Variants in ASRGL1 observed in about 807,000 individuals in gnomAD.
ASRGL1 encodes isoaspartyl peptidase/L-asparaginase.
In ASRGL1, 16 loss-of-function variants were observed where a neutral mutation model predicts 22.4. The ratio of observed to expected loss-of-function variants is 0.71; its 90% confidence interval spans 0.48 to 1.08. ASRGL1 has a LOEUF of 1.08. Ranked by LOEUF, ASRGL1 falls within the 50% of genes least tolerant of loss-of-function variation. The pLI is 0.00. For missense variants in ASRGL1, 412 were observed against 410.1 expected (o/e 1.00, Z -0.04); for synonymous variants, 165 against 159.3 (o/e 1.04, Z -0.27).
chr11:62,369,602 TC>T (rs1220905257), intron 4 of ASRGL1, among the ~76,000 whole-genome samples: 4 of 152,112 alleles, frequency 2.6e-5, no homozygotes, highest in African/African-American at 4.8e-5. Flanking sequence ...TAATAGTACT[TC>T]CGATGGTCTT....
intron 4 of ASRGL1, among the ~76,000 whole-genome samples, chr11:62,385,349 T>G (rs1350912211): frequency 6.6e-6 from 1 of 152,026 alleles, no homozygotes; most frequent in Non-Finnish European, 1.5e-5. Flanking sequence ...TTAACGTTCT[T>G]TATAGATAGA....
At chr11:62,354,743 T>C in intron 2 of ASRGL1, among the ~76,000 whole-genome samples, 1 of 152,140 alleles carries the variant, frequency 6.6e-6, no homozygotes. Context: ...TTTAATAATT[T>C]GGGGCCATGG....
At chr11:62,389,656 T>A (rs2134702401) in intron 5 of ASRGL1, 3 of 340,708 alleles carry the variant, frequency 8.8e-6, no homozygotes, top group East Asian at 1.5e-4. Flanking sequence ...GAGACTGCAG[T>A]TGTTAGATCT....
chr11:62,346,372 C>T (rs1192025958), intron 2 of ASRGL1, among the ~76,000 whole-genome samples: 4 of 152,086 alleles, frequency 2.6e-5, no homozygotes, highest in Non-Finnish European at 5.9e-5. Context: ...TTCAGCACAC[C>T]ACCCTCCTGG....
intron 4 of ASRGL1, chr11:62,371,053 A>AT: frequency 2.0e-6 from 1 of 506,728 alleles, no homozygotes; most frequent in Non-Finnish European, 3.3e-6. Context: ...AGGAAAAAAA[A>AT]AAAAGCCCTC....
chr11:62,398,223 T>A (rs1947453202), downstream of ASRGL1, among the ~76,000 whole-genome samples: 1 of 150,894 alleles, frequency 6.6e-6, no homozygotes, highest in East Asian at 2.0e-4. Context: ...TGACTTGGAG[T>A]GAGAAGAGCA....
In ASRGL1 at chr11:62,374,649, A is replaced by G. The variant is rs371586936; in HGVS notation, c.492-14484A>G. ...TTTTCCACCCCAGTCGCTCCTTACC[A>G]TGACTCCTGCCCTTGGAGGGCATGT... On this transcript the variant is annotated intron_variant, in intron 4 of 6. Coordinates refer to ENST00000415229, the MANE Select transcript of ASRGL1 (RefSeq NM_001083926.2). Among the ~76,000 whole-genome samples, 20 of 152,180 alleles carry G rather than the reference A, an allele frequency of 1.3e-4. No individual in the cohort carries two copies. The East Asian group carries it at 1.9e-3, about 15-fold the overall frequency.
intron 4 of ASRGL1, among the ~76,000 whole-genome samples, chr11:62,378,435 C>CT (rs1565170994): frequency 6.6e-6 from 1 of 151,590 alleles, no homozygotes; most frequent in African/African-American, 2.4e-5. Flanking sequence ...TAAGCATTCC[C>CT]TGAGGTAACA....
chr11:62,340,088 C>T (rs984803772), intron 2 of ASRGL1, among the ~76,000 whole-genome samples: 3 of 151,662 alleles, frequency 2.0e-5, no homozygotes, highest in Non-Finnish European at 4.4e-5. Context: ...ATGGCAAAAC[C>T]CCATCTCTAC....
chr11:62,345,668 G>A (rs577314999), intron 2 of ASRGL1, among the ~76,000 whole-genome samples: 233 of 152,182 alleles, frequency 1.5e-3, no homozygotes, highest in African/African-American at 4.9e-3. Flanking sequence ...CCCCTCCTCA[G>A]GCTTGATAAT....
intron 2 of ASRGL1, among the ~76,000 whole-genome samples, chr11:62,343,838 A>T (rs932295597): frequency 6.6e-6 from 1 of 151,424 alleles, no homozygotes; most frequent in Non-Finnish European, 1.5e-5. Flanking sequence ...ATATAATGGA[A>T]TCTTACGATG....
chr11:62,379,207 G>A (rs1051584373), intron 4 of ASRGL1, among the ~76,000 whole-genome samples: 1 of 152,262 alleles, frequency 6.6e-6, no homozygotes, highest in Non-Finnish European at 1.5e-5. Context: ...TGCCTACGCC[G>A]ACAAGTCCTG....
intron 4 of ASRGL1, chr11:62,372,221 A>G: frequency 1.6e-6 from 2 of 1,286,976 alleles, no homozygotes; most frequent in South Asian, 1.2e-5. Context: ...CCACGAAGTG[A>G]TTGTGTGCAG....
At chr11:62,398,366 A>G (rs1947455264), downstream of ASRGL1, among the ~76,000 whole-genome samples, 1 of 152,002 alleles carries the variant, frequency 6.6e-6, no homozygotes, top group Non-Finnish European at 1.5e-5. Flanking sequence ...CCCTCACCTC[A>G]GCCTTTCCCA....
chr11:62,396,369 G>T (rs894352644), downstream of ASRGL1, among the ~76,000 whole-genome samples: 1 of 152,062 alleles, frequency 6.6e-6, no homozygotes, highest in Non-Finnish European at 1.5e-5. Flanking sequence ...CCCCCACAAA[G>T]AGCTGAGCCA....
chr11:62,381,845 C>T (rs569233651), intron 4 of ASRGL1: 4 of 152,828 alleles, frequency 2.6e-5, no homozygotes, highest in East Asian at 1.9e-4. Flanking sequence ...TAGACGTACT[C>T]GGGAATCTCT....
chr11:62,356,517 T>A (rs67821209), intron 3 of ASRGL1, 50 bp downstream of exon 3: 437,785 of 1,588,568 alleles, frequency 0.28, 63,483 homozygotes, highest in Admixed American at 0.37. Flanking sequence ...ATTGTTATAC[T>A]GCAGTGATAA....
At chr11:62,356,853 A>G in intron 3 of ASRGL1, 134 bp from the exon 4 acceptor site, 1 of 1,182,558 alleles carries the variant, frequency 8.5e-7, no homozygotes, top group South Asian at 2.0e-5. Context: ...GCATACAGAA[A>G]AGCAAACCAC....
In ASRGL1 at chr11:62,338,018, C is replaced by G; in HGVS notation, c.41C>G (p.Pro14Arg). 1.2e-6 allele frequency: 2 copies of G among 1,607,436 alleles called. No individual in the cohort carries two copies. Among genetic ancestry groups the G allele is most frequent in the Non-Finnish European group, 1.7e-6 (2 of 1,177,384 alleles). The change falls in exon 2 of 7, where the codon CCC becomes CGC. Residue 14 changes from proline to arginine, a missense_variant. Physicochemically the swap from Pro to Arg is moderately radical, Grantham distance 103. Coordinates refer to ENST00000415229, the MANE Select transcript of ASRGL1 (RefSeq NM_001083926.2). ...IVVVHGGGAGPISKDRKERVH... is the reference protein window; with the variant it reads ...IVVVHGGGAGRISKDRKERVH... ...GTGGTCCACGGCGGCGGAGCCGGTCCCATCTCCAAGGATCGGAAGGAGCGA... is the reference window on the plus strand; with the variant it reads ...GTGGTCCACGGCGGCGGAGCCGGTCGCATCTCCAAGGATCGGAAGGAGCGA...
Sources: gnomAD v4.1 joint callset for allele counts (sites outside exome capture counted in the v4.1 genomes callset) on GRCh38, gnomAD v4.1.1 for gene constraint, MANE v1.5 for transcripts, NCBI Gene and HGNC (gene_info 2026-07-23, HGNC 2026-07-21) for gene names.